Variants in SMYD3 observed in about 807,000 individuals in gnomAD.
SMYD3 encodes SET and MYND domain containing 3, also known as histone-lysine N-methyltransferase SMYD3.
Under a neutral mutation model 57.7 loss-of-function variants are expected in SMYD3, and 36 were observed. The ratio of observed to expected loss-of-function variants is 0.62; its 90% CI spans 0.48 to 0.82. The LOEUF (loss-of-function observed/expected upper bound fraction) is 0.82, where lower values mean the gene tolerates loss of function less well. Ranked by LOEUF, SMYD3 falls within the 40% of genes least tolerant of loss-of-function variation. The pLI is 0.00. For missense variants in SMYD3, 515 were observed against 538.8 expected, an observed-to-expected ratio of 0.96 and a Z score of 0.44; for synonymous variants, 211 against 195.0, an observed-to-expected ratio of 1.08 and a Z score of -0.68.
rs2275314 is a variant in SMYD3 at position 245,928,134 on chromosome 1, C to A, written c.600-101G>T. ...AAATACACCTTCCTTTGGGGGGCAG[C>A]AGCAGGTAGGGTTGACAGGATGCCA... On this transcript the variant is annotated intron_variant, in intron 6 of 11. Transcript: ENST00000490107. 9.4e-4 allele frequency: 807 copies of A among 860,516 alleles called. 11 individuals are homozygous for A. In the East Asian group the frequency reaches 0.021, roughly 23 times the overall value. The allele number at this position is 860,516 out of a possible 1,614,324, so 53.3% of individuals were successfully genotyped here.
At chr1:245,977,269 G>A (rs565614788) in intron 5 of SMYD3, among the ~76,000 whole-genome samples, 18 of 152,270 alleles carry the variant, frequency 1.2e-4, no homozygotes, top group Admixed American at 3.9e-4. Context: ...GGCCTAACAC[G>A]GCTCCGCTTG....
intron 5 of SMYD3, among the ~76,000 whole-genome samples, chr1:246,235,752 G>A (rs1446207634): frequency 6.6e-6 from 1 of 152,062 alleles, no homozygotes; most frequent in Non-Finnish European, 1.5e-5. Flanking sequence ...AAGAGCCCTT[G>A]GGGTCTTTTC....
chr1:245,834,788 T>C (rs1558402652), intron 10 of SMYD3, among the ~76,000 whole-genome samples: 1 of 152,182 alleles, frequency 6.6e-6, no homozygotes, highest in Non-Finnish European at 1.5e-5. Flanking sequence ...GCCTTGGCTA[T>C]TGACAAGGTC....
intron 5 of SMYD3, among the ~76,000 whole-genome samples, chr1:246,188,432 A>G (rs986901357): frequency 6.6e-6 from 1 of 152,268 alleles, no homozygotes; most frequent in Admixed American, 6.5e-5. Flanking sequence ...ATATTTTTAT[A>G]TAACATAAAA....
chr1:246,164,492 G>A (rs191111065), intron 5 of SMYD3, among the ~76,000 whole-genome samples: 1 of 152,290 alleles, frequency 6.6e-6, no homozygotes, highest in African/African-American at 2.4e-5. Flanking sequence ...GAATGCCTTA[G>A]AGATCTGCTA....
chr1:246,189,683 G>A (rs562489281), intron 5 of SMYD3, among the ~76,000 whole-genome samples: 2 of 152,220 alleles, frequency 1.3e-5, no homozygotes, highest in South Asian at 4.2e-4. Context: ...TTTTCTGAAA[G>A]CTATCAGACA....
chr1:246,390,214 C>CAAAAAAA (rs56279385), intron 1 of SMYD3, among the ~76,000 whole-genome samples: 1 of 66,970 alleles, frequency 1.5e-5, no homozygotes, highest in African/African-American at 4.8e-5. Flanking sequence ...ATTCTGTCTC[C>CAAAAAAA]AAAAAAAAAA....
At chr1:246,420,066 G>A (rs763859028) in intron 1 of SMYD3, among the ~76,000 whole-genome samples, 6 of 152,128 alleles carry the variant, frequency 3.9e-5, no homozygotes, top group Admixed American at 1.3e-4. Context: ...AGGTGTGGTC[G>A]CACATGCCTG....
In SMYD3 at chr1:246,362,382, A is replaced by G. The variant is rs532090467; in HGVS notation, c.165-7288T>C. On this transcript the variant is annotated intron_variant, in intron 1 of 11. Coordinates refer to ENST00000490107, the MANE Select transcript of SMYD3 (RefSeq NM_001167740.2). ...AATCACCTGGGTGACAAAAAAGCAG[A>G]TATTTTTAAAAACCTGAATTATAGC... Among the ~76,000 whole-genome samples the G allele has an allele frequency of 3.4e-5, 5 of 148,744 alleles. No homozygotes were observed. The East Asian group carries it at 1.0e-3, about 31-fold the overall frequency.
chr1:246,072,415 TG>T (rs1470176395), intron 5 of SMYD3, among the ~76,000 whole-genome samples: 1 of 152,138 alleles, frequency 6.6e-6, no homozygotes, highest in African/African-American at 2.4e-5. Flanking sequence ...CTGTTAGTTC[TG>T]GGGAGGGATT....
chr1:246,147,061 G>C (rs1370090461), intron 5 of SMYD3, among the ~76,000 whole-genome samples: 1 of 152,128 alleles, frequency 6.6e-6, no homozygotes, highest in African/African-American at 2.4e-5. Flanking sequence ...TCTTGCGTTG[G>C]TGGCGGAAGC....
At chr1:245,876,604 AAT>A (rs2052499985) in intron 8 of SMYD3, among the ~76,000 whole-genome samples, 1 of 152,226 alleles carries the variant, frequency 6.6e-6, no homozygotes. Context: ...GTTTATTTAC[AAT>A]AGACACAAAA....
intron 5 of SMYD3, among the ~76,000 whole-genome samples, chr1:246,118,919 G>A (rs909897917): frequency 6.6e-6 from 1 of 151,500 alleles, no homozygotes; most frequent in Non-Finnish European, 1.5e-5. Flanking sequence ...ATGAAAGTCA[G>A]GTGCAGCACA....
chr1:245,946,002 G>A (rs1000299332), intron 5 of SMYD3, among the ~76,000 whole-genome samples: 1 of 152,166 alleles, frequency 6.6e-6, no homozygotes, highest in Non-Finnish European at 1.5e-5. Context: ...AATAGCTAAT[G>A]CACGCTGGGA....
intron 1 of SMYD3, among the ~76,000 whole-genome samples, chr1:246,457,537 AAAAAAAAAAAAG>A (rs1216586668): frequency 2.3e-5 from 3 of 128,432 alleles, no homozygotes; most frequent in Non-Finnish European, 3.4e-5. Flanking sequence ...TGCCTCAAAA[AAAAAAAAAAAAG>A]AAAAGAAAAG....
chr1:246,081,680 C>T lies in SMYD3; in HGVS notation c.532-151743G>A, dbSNP rs113288223. 4.7e-3 allele frequency among the ~76,000 whole-genome samples: 713 copies of T among 152,308 alleles called. 11 individuals carry two copies. The highest frequency in any genetic ancestry group is 0.016 in the African/African-American group (657 of 41,552). On this transcript the variant is annotated intron_variant, in intron 5 of 11. Coordinates refer to ENST00000490107, the MANE Select transcript of SMYD3 (RefSeq NM_001167740.2). Reference sequence around the variant, plus strand: ...AAGTGCTGGGATTACAGGCATGAGCCACTGCACCCAGCCCCTAGCTTCTAT... The same window carrying T: ...AAGTGCTGGGATTACAGGCATGAGCTACTGCACCCAGCCCCTAGCTTCTAT...
chr1:245,803,683 G>A (rs771066419), intron 10 of SMYD3, among the ~76,000 whole-genome samples: 48 of 152,284 alleles, frequency 3.2e-4, no homozygotes, highest in Non-Finnish European at 2.4e-4. Flanking sequence ...AATTCTTAAG[G>A]AAAGGAAAAT....
At chr1:246,147,582 A>C (rs1016248235) in intron 5 of SMYD3, among the ~76,000 whole-genome samples, 2 of 151,932 alleles carry the variant, frequency 1.3e-5, no homozygotes, top group African/African-American at 2.4e-5. Context: ...GCAGCCACCC[A>C]AATCGTGGCT....
chr1:245,907,862 G>A (rs943074559), intron 8 of SMYD3, among the ~76,000 whole-genome samples: 1 of 152,128 alleles, frequency 6.6e-6, no homozygotes, highest in Admixed American at 6.5e-5. Context: ...GGATGGCCAG[G>A]CATGGTGGCT....
Sources: gnomAD v4.1 joint callset for allele counts (sites outside exome capture counted in the v4.1 genomes callset) on GRCh38, gnomAD v4.1.1 for gene constraint, MANE v1.5 for transcripts, NCBI Gene and HGNC (gene_info 2026-07-23, HGNC 2026-07-21) for gene names.